Variants in NPAS3 observed in about 807,000 individuals in gnomAD.
NPAS3 encodes the protein neuronal PAS domain-containing protein 3.
In NPAS3, 14 loss-of-function variants were observed where a neutral mutation model predicts 73.1. The observed-to-expected ratio is 0.19, with a 90% CI of 0.13 to 0.30. NPAS3 has a LOEUF of 0.30. Ranked by LOEUF, NPAS3 falls within the 10% of genes least tolerant of loss-of-function variation. The probability of loss-of-function intolerance (pLI) is 1.00; values close to 1 mark genes in which losing one functional copy is unlikely to be tolerated. For synonymous variants in NPAS3, 620 were observed against 541.5 expected (o/e 1.14, Z -2.01); for missense variants, 1,096 against 1,250.0 (o/e 0.88, Z 1.86).
chr14:33,461,268 A>G (rs8020901), intron 4 of NPAS3, among the ~76,000 whole-genome samples: 8,133 of 152,250 alleles, frequency 0.053, 695 homozygotes, highest in African/African-American at 0.18. Flanking sequence ...TGTCTGTTTT[A>G]TTTTGAATGC....
chr14:32,945,835 G>A (rs554699590), intron 1 of NPAS3, among the ~76,000 whole-genome samples: 9 of 152,302 alleles, frequency 5.9e-5, no homozygotes, highest in African/African-American at 2.2e-4. Flanking sequence ...TTGTGGGCAA[G>A]CTCCATAACT....
chr14:33,510,693 C>T (rs1418780863), intron 4 of NPAS3, among the ~76,000 whole-genome samples: 1 of 152,060 alleles, frequency 6.6e-6, no homozygotes, highest in African/African-American at 2.4e-5. Context: ...TAGTGCGTTA[C>T]ACTAAATTCT....
chr14:32,992,971 A>G (rs1226930659), intron 1 of NPAS3, among the ~76,000 whole-genome samples: 1 of 152,104 alleles, frequency 6.6e-6, no homozygotes, highest in African/African-American at 2.4e-5. Context: ...ACTGGCCAAC[A>G]TGGTGAAACC....
At chr14:33,622,290 G>A (rs1179188640) in intron 5 of NPAS3, among the ~76,000 whole-genome samples, 1 of 151,710 alleles carries the variant, frequency 6.6e-6, no homozygotes. Context: ...TTTCCGTATA[G>A]CTAACAGGAA....
intron 4 of NPAS3, among the ~76,000 whole-genome samples, chr14:33,396,873 G>A (rs2047246258): frequency 6.6e-6 from 1 of 152,104 alleles, no homozygotes; most frequent in Admixed American, 6.6e-5. Flanking sequence ...GATGGAGCAT[G>A]CACAAATGCT....
chr14:32,969,826 AC>A (rs2037345853), intron 1 of NPAS3, among the ~76,000 whole-genome samples: 1 of 152,206 alleles, frequency 6.6e-6, no homozygotes, highest in African/African-American at 2.4e-5. Context: ...CTTCTCAGAA[AC>A]ACTTTTTTAA....
chr14:33,284,764 A>ATATCTATC (rs71118536), intron 3 of NPAS3, among the ~76,000 whole-genome samples: 11 of 148,792 alleles, frequency 7.4e-5, no homozygotes, highest in Non-Finnish European at 1.0e-4. Context: ...ATCTATATCT[A>ATATCTATC]TATCTATCTA....
chr14:33,022,400 C>A (rs940637363), intron 1 of NPAS3, among the ~76,000 whole-genome samples: 5 of 152,146 alleles, frequency 3.3e-5, no homozygotes, highest in Admixed American at 6.5e-5. Context: ...CGCGGTGGCT[C>A]ACGCCTGTAA....
chr14:33,771,676 G>T (rs1408441334), intron 7 of NPAS3, among the ~76,000 whole-genome samples: 1 of 152,056 alleles, frequency 6.6e-6, no homozygotes, highest in Non-Finnish European at 1.5e-5. Flanking sequence ...GCTGGGCATG[G>T]TGGCGGGGCC....
intron 5 of NPAS3, among the ~76,000 whole-genome samples, chr14:33,636,002 T>A (rs1420144702): frequency 2.0e-5 from 3 of 152,154 alleles, no homozygotes; most frequent in Admixed American, 2.0e-4. Context: ...TGGAGTGCAA[T>A]GGCACGATCT....
intron 1 of NPAS3, among the ~76,000 whole-genome samples, chr14:32,968,421 G>C (rs927146176): frequency 1.3e-5 from 2 of 152,082 alleles, no homozygotes; most frequent in African/African-American, 4.8e-5. Context: ...TAATGTAAAT[G>C]TATATAAAAT....
chr14:33,199,721 TTCCCCTCCCTCTTTCCCTCCCTTCC>T, intron 2 of NPAS3, among the ~76,000 whole-genome samples: 1 of 138,088 alleles, frequency 7.2e-6, no homozygotes. Flanking sequence ...CCCCTTCTTC[TTCCCCTCCCTCTTTCCCTCCCTTCC>T]TCCCCTCCTT....
intron 3 of NPAS3, among the ~76,000 whole-genome samples, chr14:33,323,474 A>C (rs993481360): frequency 6.6e-6 from 1 of 152,198 alleles, no homozygotes; most frequent in East Asian, 1.9e-4. Context: ...TCTCTTTGGC[A>C]CTGATCACAA....
At chr14:33,707,923 G>A (rs1237783346) in intron 6 of NPAS3, among the ~76,000 whole-genome samples, 1 of 152,180 alleles carries the variant, frequency 6.6e-6, no homozygotes, top group African/African-American at 2.4e-5. Context: ...GGTGGTGAGG[G>A]AAGGTATGCT....
rs543374065 is a variant in NPAS3, at chr14:33,549,612, G to C, written c.469-10509G>C. Among the ~76,000 whole-genome samples, 4 of 152,288 alleles carry C rather than the reference G, an allele frequency of 2.6e-5. No homozygotes were observed. In the South Asian group the frequency reaches 8.3e-4, roughly 32 times the overall value. On this transcript the variant is annotated intron_variant, in intron 4 of 11. Coordinates refer to ENST00000356141, the Ensembl canonical transcript of NPAS3. ...ATATGTGAGTCTATTATCTTTTGCT[G>C]TCTGATATGATAGGTCAGAAAGGCA...
At chr14:33,552,897 G>C (rs1388052599) in intron 4 of NPAS3, among the ~76,000 whole-genome samples, 1 of 152,154 alleles carries the variant, frequency 6.6e-6, no homozygotes, top group African/African-American at 2.4e-5. Context: ...CTTAGATTCG[G>C]AAGTCTACCG....
chr14:33,605,549 A>G (rs1339462654), intron 5 of NPAS3, among the ~76,000 whole-genome samples: 1 of 152,196 alleles, frequency 6.6e-6, no homozygotes, highest in African/African-American at 2.4e-5. Context: ...GCAGGATACA[A>G]GATCAATATA....
At chr14:33,089,560 G>C (rs879064912) in intron 2 of NPAS3, among the ~76,000 whole-genome samples, 1 of 152,294 alleles carries the variant, frequency 6.6e-6, no homozygotes, top group East Asian at 1.9e-4. Context: ...GTGGAACCAA[G>C]TTGGAAAACA....
At chr14:33,444,388 G>T (rs2049392064) in intron 4 of NPAS3, among the ~76,000 whole-genome samples, 1 of 152,180 alleles carries the variant, frequency 6.6e-6, no homozygotes, top group South Asian at 2.1e-4. Flanking sequence ...GTTAAGCCTG[G>T]GGAAAAGAAA....
Sources: allele counts gnomAD v4.1 joint callset (sites outside exome capture counted in the v4.1 genomes callset), GRCh38; gene constraint gnomAD v4.1.1; transcripts MANE v1.5; gene names NCBI Gene and HGNC (gene_info 2026-07-23, HGNC 2026-07-21).